Variants in FHIT observed in about 807,000 individuals in gnomAD.
FHIT encodes the protein fragile histidine triad diadenosine triphosphatase, also known as bis(5'-adenosyl)-triphosphatase.
In FHIT, 19 loss-of-function variants were observed where a neutral mutation model predicts 17.9. That is an observed-to-expected ratio of 1.06 (90% CI 0.74 to 1.56). FHIT has a LOEUF of 1.56. FHIT is among the 40% of genes most tolerant of loss of function. The pLI, the probability that FHIT is intolerant of heterozygous loss-of-function variation, is 0.00. For missense variants in FHIT, 248 were observed against 189.2 expected, an observed-to-expected ratio of 1.31 and a Z score of -1.82; for synonymous variants, 81 against 69.7, an observed-to-expected ratio of 1.16 and a Z score of -0.81.
intron 2 of FHIT, among the ~76,000 whole-genome samples, chr3:61,129,343 C>T (rs190562095): frequency 7.9e-5 from 12 of 152,226 alleles, no homozygotes; most frequent in Admixed American, 3.9e-4. Context: ...ATTTTTATCC[C>T]GTCTGGTTTT....
At chr3:59,879,509 T>A (rs531713364) in intron 8 of FHIT, among the ~76,000 whole-genome samples, 2 of 152,256 alleles carry the variant, frequency 1.3e-5, no homozygotes, top group Non-Finnish European at 2.9e-5. Context: ...AAGAAAACCC[T>A]AATCAACTGC....
chr3:60,031,616 A>G (rs973071949), intron 5 of FHIT, among the ~76,000 whole-genome samples: 1 of 152,178 alleles, frequency 6.6e-6, no homozygotes, highest in African/African-American at 2.4e-5. Context: ...ACCAAACAGC[A>G]CCAATGATGG....
chr3:60,359,130 C>T (rs1206593809), intron 5 of FHIT, among the ~76,000 whole-genome samples: 7 of 152,160 alleles, frequency 4.6e-5, no homozygotes, highest in Non-Finnish European at 8.8e-5. Context: ...ACAAAGAAAC[C>T]TTCCCCAAGA....
At chr3:60,952,050 C>CA (rs1281084761) in intron 3 of FHIT, among the ~76,000 whole-genome samples, 1 of 151,980 alleles carries the variant, frequency 6.6e-6, no homozygotes, top group Non-Finnish European at 1.5e-5. Context: ...CCTGTAATCC[C>CA]AGCTACTCGG....
intron 4 of FHIT, among the ~76,000 whole-genome samples, chr3:60,648,072 T>C (rs1351332392): frequency 6.6e-6 from 1 of 151,860 alleles, no homozygotes; most frequent in African/African-American, 2.4e-5. Context: ...CCTTCAAGCT[T>C]AGGAAAAAAG....
intron 4 of FHIT, among the ~76,000 whole-genome samples, chr3:60,628,969 T>C (rs13063492): frequency 0.34 from 48,778 of 144,152 alleles, 8,902 homozygotes; most frequent in Non-Finnish European, 0.41. Context: ...TCTCTCAGCA[T>C]AGAATCTGCC....
At chr3:60,452,114 C>A (rs1234750613) in intron 5 of FHIT, among the ~76,000 whole-genome samples, 1 of 152,142 alleles carries the variant, frequency 6.6e-6, no homozygotes, top group Non-Finnish European at 1.5e-5. Flanking sequence ...ATGCCCAAAT[C>A]TTGGGAGGAG....
At chr3:60,955,157 G>T (rs1559861663) in intron 3 of FHIT, among the ~76,000 whole-genome samples, 1 of 152,020 alleles carries the variant, frequency 6.6e-6, no homozygotes, top group Non-Finnish European at 1.5e-5. Context: ...TAAATGAAAA[G>T]CAAGCAGGAA....
At chr3:60,374,901 G>T (rs1274438589) in intron 5 of FHIT, among the ~76,000 whole-genome samples, 1 of 151,894 alleles carries the variant, frequency 6.6e-6, no homozygotes, top group Admixed American at 6.6e-5. Flanking sequence ...TCAGTTAACA[G>T]GATATTACAA....
At chr3:60,687,083 T>C (rs782286654) in intron 4 of FHIT, among the ~76,000 whole-genome samples, 2 of 152,230 alleles carry the variant, frequency 1.3e-5, no homozygotes, top group Non-Finnish European at 2.9e-5. Context: ...AAGTAATATT[T>C]ACAATGTTAA....
At chr3:60,839,985 C>T (rs1224058809) in intron 3 of FHIT, among the ~76,000 whole-genome samples, 1 of 152,094 alleles carries the variant, frequency 6.6e-6, no homozygotes, top group African/African-American at 2.4e-5. Context: ...CATGCTGCCT[C>T]TCAGAGGGGA....
chr3:59,820,023 A>G (rs1279737534), intron 8 of FHIT, among the ~76,000 whole-genome samples: 1 of 152,172 alleles, frequency 6.6e-6, no homozygotes, highest in East Asian at 1.9e-4. Flanking sequence ...CAGAAACCCA[A>G]TCCGCTGGCA....
intron 8 of FHIT, among the ~76,000 whole-genome samples, chr3:59,777,993 ACTTT>A (rs1173152723): frequency 6.6e-6 from 1 of 152,190 alleles, no homozygotes; most frequent in Non-Finnish European, 1.5e-5. Context: ...ATGCATAAAT[ACTTT>A]CTTTATCATA....
At chr3:59,804,447 GCAAA>G (rs1269264158) in intron 8 of FHIT, among the ~76,000 whole-genome samples, 3 of 152,124 alleles carry the variant, frequency 2.0e-5, no homozygotes, top group Non-Finnish European at 2.9e-5. Flanking sequence ...GACAAAATGC[GCAAA>G]CAAAGCAAGG....
intron 5 of FHIT, among the ~76,000 whole-genome samples, chr3:60,472,535 A>T (rs1474663276): frequency 6.6e-6 from 1 of 151,704 alleles, no homozygotes. Context: ...CGCCGGGCTA[A>T]TTTTTTTGTG....
At chr3:60,553,338 C>A (rs1304715523) in intron 4 of FHIT, 2 of 916,746 alleles carry the variant, frequency 2.2e-6, no homozygotes, top group Admixed American at 6.3e-5. Flanking sequence ...ACCTATGACT[C>A]AAGTGAGGAC....
chr3:60,797,038 A>G (rs1553730607), intron 4 of FHIT, among the ~76,000 whole-genome samples: 1 of 152,176 alleles, frequency 6.6e-6, no homozygotes, highest in Non-Finnish European at 1.5e-5. Flanking sequence ...TTTGAACCAC[A>G]TATTTTAGAG....
intron 5 of FHIT, among the ~76,000 whole-genome samples, chr3:60,438,414 CCAA>C (rs1559912959): frequency 6.6e-6 from 1 of 151,944 alleles, no homozygotes; most frequent in East Asian, 1.9e-4. Flanking sequence ...GTAAAACTCC[CCAA>C]AACTCCCTAT....
At chr3:60,886,932 T>C (rs1553759405) in intron 3 of FHIT, among the ~76,000 whole-genome samples, 1 of 152,232 alleles carries the variant, frequency 6.6e-6, no homozygotes, top group Non-Finnish European at 1.5e-5. Context: ...CATGCCGTGG[T>C]TTGTTATCCA....
Sources: allele counts gnomAD v4.1 joint callset (sites outside exome capture counted in the v4.1 genomes callset), GRCh38; gene constraint gnomAD v4.1.1; transcripts MANE v1.5; gene names NCBI Gene and HGNC (gene_info 2026-07-23, HGNC 2026-07-21).